The following ABCB1 variants were observed in gnomAD, a reference collection of about 807,000 sequenced individuals.
ABCB1 encodes ATP-dependent translocase ABCB1.
ABCB1 carries 69 observed loss-of-function variants against 142.0 expected under a neutral mutation model. That is an observed-to-expected ratio of 0.49 (90% confidence interval 0.40 to 0.59). The LOEUF (loss-of-function observed/expected upper bound fraction) is 0.59, where lower values mean the gene tolerates loss of function less well. Ranked by LOEUF, ABCB1 falls within the 20% of genes least tolerant of loss-of-function variation. The probability of loss-of-function intolerance (pLI) is 0.00; values close to 1 mark genes in which losing one functional copy is unlikely to be tolerated. For synonymous variants in ABCB1, 532 were observed against 539.2 expected (o/e 0.99, Z 0.18); for missense variants, 1,326 against 1,554.7 (o/e 0.85, Z 2.47).
chr7:87,669,888 T>TAAA (rs1339812792), intron 1 of ABCB1, among the ~76,000 whole-genome samples: 1 of 152,230 alleles, frequency 6.6e-6, no homozygotes. Context: ...CCTTTCTCTC[T>TAAA]AGCTGCCTTT....
intron 4 of ABCB1, among the ~76,000 whole-genome samples, chr7:87,578,936 A>G (rs949960145): frequency 5.9e-5 from 9 of 151,318 alleles, no homozygotes; most frequent in South Asian, 2.1e-4. Flanking sequence ...CTCGTGATCC[A>G]CCTGCCTCGG....
chr7:87,645,636 A>G (rs1822928453), intron 1 of ABCB1, among the ~76,000 whole-genome samples: 1 of 152,222 alleles, frequency 6.6e-6, no homozygotes. Context: ...GATGACTAAT[A>G]TTAATGTCAT....
chr7:87,632,864 C>T (rs756574709), intron 1 of ABCB1, among the ~76,000 whole-genome samples: 19 of 152,116 alleles, frequency 1.2e-4, no homozygotes, highest in Admixed American at 5.2e-4. Flanking sequence ...TTCAGAATAA[C>T]ACTTGTCAAA....
At position 87,628,601 on chromosome 7, in the gene ABCB1, G is replaced by A. The variant is rs971105334; in HGVS notation, c.-330-27523C>T. 78 of 357,822 alleles carry A rather than the reference G, an allele frequency of 2.2e-4. No homozygotes were observed. In the East Asian group the frequency reaches 3.1e-3, roughly 14 times the overall value. The allele number at this position is 357,822 out of a possible 1,614,324, so 22.2% of individuals were successfully genotyped here. Reference sequence around the variant, plus strand: ...CGTGCGTGCGTGTGTGTGTGTGTGTGTGTGTGTGTGTGTGTGTGTGTGTGG... The same window carrying A: ...CGTGCGTGCGTGTGTGTGTGTGTGTATGTGTGTGTGTGTGTGTGTGTGTGG... On this transcript the variant is annotated intron_variant, in intron 1 of 28. Transcript: ENST00000265724.
chr7:87,660,162 G>A (rs969826717), intron 1 of ABCB1, among the ~76,000 whole-genome samples: 14 of 151,986 alleles, frequency 9.2e-5, no homozygotes, highest in Admixed American at 2.0e-4. Context: ...AGAATTTTGC[G>A]TAAGTTTGGA....
At chr7:87,647,254 AGTATT>A (rs1350430677) in intron 1 of ABCB1, among the ~76,000 whole-genome samples, 1 of 152,164 alleles carries the variant, frequency 6.6e-6, no homozygotes, top group Non-Finnish European at 1.5e-5. Context: ...TATTTTCTTA[AGTATT>A]CTAAGACATT....
At chr7:87,647,229 C>G (rs1004730729) in intron 1 of ABCB1, among the ~76,000 whole-genome samples, 1 of 152,140 alleles carries the variant, frequency 6.6e-6, no homozygotes, top group African/African-American at 2.4e-5. Context: ...TTTCAGAGGT[C>G]CACAAAGTCA....
At chr7:87,615,625 A>G (rs1215207172) in intron 1 of ABCB1, among the ~76,000 whole-genome samples, 1 of 152,228 alleles carries the variant, frequency 6.6e-6, no homozygotes, top group African/African-American at 2.4e-5. Context: ...TAGTGGGAAT[A>G]ATGAAAAGTG....
intron 1 of ABCB1, among the ~76,000 whole-genome samples, chr7:87,649,804 C>T (rs1021010938): frequency 6.6e-6 from 1 of 152,104 alleles, no homozygotes; most frequent in Admixed American, 6.5e-5. Flanking sequence ...TGGCAGCGGG[C>T]CTTTCCCATG....
At chr7:87,633,179 A>C (rs1414930713) in intron 1 of ABCB1, among the ~76,000 whole-genome samples, 1 of 152,240 alleles carries the variant, frequency 6.6e-6, no homozygotes, top group East Asian at 1.9e-4. Context: ...AGTTAAGCTT[A>C]AAATCCTTCA....
chr7:87,684,190 C>T (rs181040733), intron 1 of ABCB1, among the ~76,000 whole-genome samples: 2 of 152,258 alleles, frequency 1.3e-5, no homozygotes, highest in African/African-American at 2.4e-5. Flanking sequence ...AACATTGATA[C>T]TGTTGATATT....
chr7:87,565,496 T>C (rs1259924725), intron 7 of ABCB1: 1 of 454,622 alleles, frequency 2.2e-6, no homozygotes, highest in African/African-American at 2.0e-5. Context: ...AGGCCAAGGA[T>C]TTATATGCAT....
At chr7:87,541,004 C>T (rs1195605097) in intron 18 of ABCB1, among the ~76,000 whole-genome samples, 2 of 152,134 alleles carry the variant, frequency 1.3e-5, no homozygotes, top group African/African-American at 4.8e-5. Context: ...CACGGGAAGA[C>T]ATTTCTTTGA....
intron 21 of ABCB1, chr7:87,522,113 G>C: frequency 7.6e-7 from 1 of 1,310,596 alleles, no homozygotes; most frequent in African/African-American, 1.4e-5. Flanking sequence ...AACTTTGGTC[G>C]TGGAGGAAAC....
At chr7:87,655,900 G>C (rs184639050) in intron 1 of ABCB1, among the ~76,000 whole-genome samples, 1 of 152,166 alleles carries the variant, frequency 6.6e-6, no homozygotes, top group East Asian at 1.9e-4. Flanking sequence ...TTGACAGAGG[G>C]AGTTTGTCCT....
intron 9 of ABCB1, among the ~76,000 whole-genome samples, chr7:87,551,668 A>C (rs985142081): frequency 2.0e-5 from 3 of 152,148 alleles, no homozygotes; most frequent in African/African-American, 4.8e-5. Flanking sequence ...TTAAAAAAAA[A>C]AATTATAGAG....
At chr7:87,624,177 C>T (rs952459405) in intron 1 of ABCB1, among the ~76,000 whole-genome samples, 2 of 152,100 alleles carry the variant, frequency 1.3e-5, no homozygotes, top group Admixed American at 6.5e-5. Flanking sequence ...GGTTCATAAG[C>T]GTGATGATTG....
intron 1 of ABCB1, chr7:87,628,575 G>A: frequency 6.6e-6 from 2 of 302,096 alleles, no homozygotes; most frequent in Non-Finnish European, 1.1e-5. Flanking sequence ...CGGAGGTGGT[G>A]CGTGCGTGCG....
intron 1 of ABCB1, among the ~76,000 whole-genome samples, chr7:87,705,118 A>G: frequency 6.6e-6 from 1 of 152,164 alleles, no homozygotes; most frequent in Non-Finnish European, 1.5e-5. Context: ...ACAATCTCAT[A>G]CTTTTGTCTA....
Sources: gnomAD v4.1 joint callset for allele counts (sites outside exome capture counted in the v4.1 genomes callset) on GRCh38, gnomAD v4.1.1 for gene constraint, MANE v1.5 for transcripts, NCBI Gene and HGNC (gene_info 2026-07-23, HGNC 2026-07-21) for gene names.